ENTREP2: variants seen among roughly 807,000 people sequenced by gnomAD.
The protein encoded by ENTREP2 is protein ENTREP2.
chr15:29,265,152 CTT>C, the ENTREP2 span: 7 of 152,082 alleles, frequency 4.6e-5, no homozygotes, highest in Non-Finnish European at 8.8e-5. Flanking sequence ...GAAAAAAACT[CTT>C]AACAGCAAAC....
chr15:29,322,388 A>G, the ENTREP2 span, among the ~76,000 whole-genome samples: 1 of 152,228 alleles, frequency 6.6e-6, no homozygotes, highest in Non-Finnish European at 1.5e-5. Context: ...CTTTTATCTA[A>G]GATAAATTTT....
the ENTREP2 span, among the ~76,000 whole-genome samples, chr15:29,601,099 G>A: frequency 2.5e-3 from 373 of 149,116 alleles, 1 homozygote; most frequent in African/African-American, 8.9e-3. Flanking sequence ...GGGTTTCACC[G>A]TGTTAGCCAG....
At chr15:29,393,000 A>G in the ENTREP2 span, among the ~76,000 whole-genome samples, 1 of 152,224 alleles carries the variant, frequency 6.6e-6, no homozygotes, top group Non-Finnish European at 1.5e-5. Context: ...ATATCTAGAA[A>G]TTCTTTTATT....
chr15:29,412,811 G>A, the ENTREP2 span, among the ~76,000 whole-genome samples: 6 of 151,774 alleles, frequency 4.0e-5, no homozygotes, highest in South Asian at 6.3e-4. Flanking sequence ...ATTCTATTTC[G>A]TTAATTTCTA....
the ENTREP2 span, among the ~76,000 whole-genome samples, chr15:29,275,913 C>T: frequency 6.6e-6 from 1 of 152,264 alleles, no homozygotes. Context: ...GGCCAATGTG[C>T]AGCATGTGAG....
the ENTREP2 span, among the ~76,000 whole-genome samples, chr15:29,398,723 C>CAAAAAAAAAAA: frequency 6.6e-6 from 1 of 152,074 alleles, no homozygotes; most frequent in Non-Finnish European, 1.5e-5. Flanking sequence ...GACTCCGTCT[C>CAAAAAAAAAAA]AAAAATAAAA....
At chr15:29,644,076 GT>G in the ENTREP2 span, among the ~76,000 whole-genome samples, 415 of 152,194 alleles carry the variant, frequency 2.7e-3, 2 homozygotes, top group Middle Eastern at 0.014. Flanking sequence ...ATAAAATGTG[GT>G]ATACATTTTA....
the ENTREP2 span, among the ~76,000 whole-genome samples, chr15:29,200,342 A>C: frequency 6.6e-6 from 1 of 152,014 alleles, no homozygotes. Flanking sequence ...TGCCTAGCTA[A>C]TTTTTGTATT....
chr15:29,123,440 C>T, the ENTREP2 span: 4 of 1,551,650 alleles, frequency 2.6e-6, no homozygotes, highest in Non-Finnish European at 2.6e-6. Context: ...TGCTGTGCCT[C>T]GGTGGGGAGG....
At chr15:29,468,772 A>C in the ENTREP2 span, among the ~76,000 whole-genome samples, 1 of 152,190 alleles carries the variant, frequency 6.6e-6, no homozygotes, top group African/African-American at 2.4e-5. Flanking sequence ...AGTTCTAATC[A>C]TTAGCCAACA....
At chr15:29,487,423 G>A in the ENTREP2 span, among the ~76,000 whole-genome samples, 5 of 152,170 alleles carry the variant, frequency 3.3e-5, no homozygotes, top group East Asian at 1.9e-4. Flanking sequence ...ATACAGATAA[G>A]CGGTCAGTCT....
chr15:29,447,685 T>G, the ENTREP2 span, among the ~76,000 whole-genome samples: 1 of 149,838 alleles, frequency 6.7e-6, no homozygotes, highest in Non-Finnish European at 1.5e-5. Flanking sequence ...GATGGGGGTC[T>G]CGCCATGTTG....
At chr15:29,221,724 C>T in the ENTREP2 span, among the ~76,000 whole-genome samples, 2 of 152,210 alleles carry the variant, frequency 1.3e-5, no homozygotes, top group African/African-American at 4.8e-5. Context: ...TTAATTAGCA[C>T]GGTCATCAAA....
At chr15:29,374,435 G>T in the ENTREP2 span, 4 of 152,054 alleles carry the variant, frequency 2.6e-5, no homozygotes, top group East Asian at 7.7e-4. Context: ...TTACCTTCAG[G>T]TGACATTAGA....
chr15:29,533,746 A>T, the ENTREP2 span, among the ~76,000 whole-genome samples: 1 of 152,046 alleles, frequency 6.6e-6, no homozygotes, highest in African/African-American at 2.4e-5. Flanking sequence ...GACATCAGTA[A>T]AAAACAGAAG....
At chr15:29,566,352 G>C in the ENTREP2 span, among the ~76,000 whole-genome samples, 1 of 151,772 alleles carries the variant, frequency 6.6e-6, no homozygotes, top group Non-Finnish European at 1.5e-5. Context: ...TTTTAGTAGA[G>C]ACAGGATTCC....
the ENTREP2 span, among the ~76,000 whole-genome samples, chr15:29,665,997 G>A: frequency 1.3e-5 from 2 of 151,590 alleles, no homozygotes; most frequent in African/African-American, 4.9e-5. Context: ...GGGATTGCAG[G>A]CACACACCAC....
At chr15:29,381,814 G>A in the ENTREP2 span, 1 of 1,551,636 alleles carries the variant, frequency 6.4e-7, no homozygotes, top group South Asian at 1.2e-5. Flanking sequence ...CGACACCTAT[G>A]AGTCCCGACA....
chr15:29,365,990 C>T, the ENTREP2 span, among the ~76,000 whole-genome samples: 3 of 152,146 alleles, frequency 2.0e-5, no homozygotes, highest in African/African-American at 7.2e-5. Flanking sequence ...CAGCCATTGA[C>T]ATGGACTGTT....
Sources: gnomAD v4.1 joint callset for allele counts (sites outside exome capture counted in the v4.1 genomes callset) on GRCh38, gnomAD v4.1.1 for gene constraint, MANE v1.5 for transcripts, NCBI Gene and HGNC (gene_info 2026-07-23, HGNC 2026-07-21) for gene names.